Variants in PCDHGB4 observed in about 807,000 individuals in gnomAD.
PCDHGB4 encodes protocadherin gamma-B4.
In PCDHGB4, 38 loss-of-function variants were observed where a neutral mutation model predicts 60.5. That is an observed-to-expected ratio of 0.63 (90% confidence interval 0.48 to 0.82). The LOEUF (loss-of-function observed/expected upper bound fraction) is 0.82. Ranked by LOEUF, PCDHGB4 falls within the 40% of genes least tolerant of loss-of-function variation. The pLI is 0.00. For missense variants in PCDHGB4, 1,109 were observed against 1,209.6 expected, an observed-to-expected ratio of 0.92 and a Z score of 1.23; for synonymous variants, 456 against 509.7, an observed-to-expected ratio of 0.89 and a Z score of 1.42.
At chr5:141,395,131 C>G in intron 1 of PCDHGB4, 1 of 1,614,202 alleles carries the variant, frequency 6.2e-7, no homozygotes, top group Non-Finnish European at 8.5e-7. Flanking sequence ...TTTCCCCAGC[C>G]CAACTACGCA....
At position 141,398,955 on chromosome 5, in the gene PCDHGB4, A is replaced by T. The variant is rs2093730495; in HGVS notation, c.2397+8674A>T. 1.2e-6 allele frequency: 2 copies of T among 1,613,966 alleles called. No homozygotes were observed. Among genetic ancestry groups the T allele is most frequent in the African/African-American group, 1.3e-5 (1 of 75,040 alleles). On this transcript the variant is annotated intron_variant, in intron 1 of 3. Transcript: ENST00000519479. ...ACCAAGACGAGGGCATCAACTCAGA[A>T]ATTACTTATTCCTTCTACAGAACCG...
intron 1 of PCDHGB4, chr5:141,402,981 G>A (rs375892904): frequency 1.2e-6 from 2 of 1,608,410 alleles, no homozygotes; most frequent in Non-Finnish European, 1.7e-6. Flanking sequence ...TGCCAGCTCC[G>A]CGGAAGATTA....
chr5:141,427,955 G>A (rs749241312), intron 1 of PCDHGB4: 1 of 1,587,202 alleles, frequency 6.3e-7, no homozygotes, highest in Non-Finnish European at 8.6e-7. Context: ...ATGACAATGT[G>A]CCGCGGGTGC....
intron 1 of PCDHGB4, chr5:141,421,506 G>T: frequency 6.2e-7 from 1 of 1,614,076 alleles, no homozygotes; most frequent in Non-Finnish European, 8.5e-7. Context: ...GGATAGACCG[G>T]GAGGAGCTCT....
At chr5:141,419,419 C>T (rs767018815) in intron 1 of PCDHGB4, 1 of 1,613,266 alleles carries the variant, frequency 6.2e-7, no homozygotes, top group Non-Finnish European at 8.5e-7. Flanking sequence ...AGCGCGCCTT[C>T]GACCACGAGC....
At chr5:141,442,895 A>G (rs1381559903) in intron 1 of PCDHGB4, among the ~76,000 whole-genome samples, 5 of 152,182 alleles carry the variant, frequency 3.3e-5, no homozygotes, top group African/African-American at 1.2e-4. Context: ...CCTGCTTATC[A>G]CTTCTCCTTC....
rs62379205 is a variant in PCDHGB4, at chr5:141,491,971, T to G, written c.2398-2836T>G. On this transcript the variant is annotated intron_variant, in intron 1 of 3. Coordinates refer to ENST00000519479, the MANE Select transcript of PCDHGB4 (RefSeq NM_003736.4). This position sits in a 1 kb window ranked among gnomAD's most constrained non-coding sequence, Gnocchi z 6.9. ...CCTACACTCAAAAAAGGCCGGGGCC[T>G]CCTTCGAGCTTCCGGTGAATTTCGG... The G allele has an allele frequency of 3.6e-6, 3 of 831,948 alleles. No homozygotes were observed. Among genetic ancestry groups the G allele is most frequent in the Admixed American group, 3.7e-5 (1 of 26,692 alleles). The allele number at this position is 831,948 out of a possible 1,614,324, so 51.5% of individuals were successfully genotyped here.
At chr5:141,394,727 C>A in intron 1 of PCDHGB4, 1 of 1,613,436 alleles carries the variant, frequency 6.2e-7, no homozygotes, top group East Asian at 2.2e-5. Flanking sequence ...GAGATGCGCT[C>A]AAGCAGAGCC....
chr5:141,484,715 G>A (rs576646182), intron 1 of PCDHGB4, among the ~76,000 whole-genome samples: 1 of 152,130 alleles, frequency 6.6e-6, no homozygotes, highest in African/African-American at 2.4e-5. Context: ...CCGCCGAAAA[G>A]GGGCGGGGTC....
chr5:141,480,457 G>GT (rs1309116577), intron 1 of PCDHGB4, among the ~76,000 whole-genome samples: 4 of 152,060 alleles, frequency 2.6e-5, no homozygotes, highest in Non-Finnish European at 5.9e-5. Flanking sequence ...ATTTTTATTA[G>GT]TTCCTCACTC....
Position 141,422,144 on chromosome 5 carries a change from G to A in PCDHGB4, c.2397+31863G>A, listed in dbSNP as rs748208921. On this transcript the variant is annotated intron_variant, in intron 1 of 3. Transcript: ENST00000519479. Reference sequence around the variant, plus strand: ...CAAACTGGAGAAGTTCAAGTACGGGGGTCTCTGGATTTTGAAAAATATAGA... The same window carrying A: ...CAAACTGGAGAAGTTCAAGTACGGGAGTCTCTGGATTTTGAAAAATATAGA... 1.9e-6 allele frequency: 3 copies of A among 1,583,402 alleles called. No individual in the cohort carries two copies. In the African/African-American group the frequency reaches 4.1e-5, roughly 22 times the overall value.
At chr5:141,456,149 G>A (rs377506220) in intron 1 of PCDHGB4, among the ~76,000 whole-genome samples, 1 of 151,866 alleles carries the variant, frequency 6.6e-6, no homozygotes, top group East Asian at 1.9e-4. Flanking sequence ...CGCCCGCCTC[G>A]GCCTCCTAAA....
chr5:141,403,200 C>T (rs765799006), intron 1 of PCDHGB4: 1 of 1,613,982 alleles, frequency 6.2e-7, no homozygotes, highest in South Asian at 1.1e-5. Flanking sequence ...CGCAGCGGCA[C>T]CTTGGTCACC....
chr5:141,409,415 G>C, intron 1 of PCDHGB4: 1 of 1,614,008 alleles, frequency 6.2e-7, no homozygotes. Context: ...CTACAAACTG[G>C]TGACAGATGG....
Position 141,511,072 on chromosome 5 carries a change from A to C in PCDHGB4, c.2671A>C (p.Ser891Arg). The C allele has an allele frequency of 6.2e-7, 1 of 1,614,252 alleles. No individual in the cohort carries two copies. Among genetic ancestry groups the C allele is most frequent in the Non-Finnish European group, 8.5e-7 (1 of 1,180,034 alleles). Residue 891 changes from serine to arginine, a missense_variant, in exon 4 of 4, where the codon AGC (serine) becomes CGC (arginine). Ser to Arg is a moderately radical substitution (Grantham distance 110). This residue lies in a region of PCDHGB4 where 1,068 missense variants were observed against 1,089.9 expected (regional missense o/e 0.98). Coordinates refer to ENST00000519479, the MANE Select transcript of PCDHGB4 (RefSeq NM_003736.4). ...CCGCCAGAATGTCTACATCCCAGGC[A>C]GCAATGCCACACTGACCAACGCAGC... ...DYRQNVYIPG[S>R]NATLTNAAGK...
intron 1 of PCDHGB4, among the ~76,000 whole-genome samples, chr5:141,473,246 A>G (rs1045740920): frequency 7.2e-5 from 11 of 152,224 alleles, no homozygotes; most frequent in Admixed American, 4.6e-4. Context: ...AAGTGAATAC[A>G]TATATAGTCC....
intron 1 of PCDHGB4, among the ~76,000 whole-genome samples, chr5:141,437,614 A>G (rs113599071): frequency 3.1e-4 from 47 of 152,242 alleles, no homozygotes; most frequent in Non-Finnish European, 5.1e-4. Flanking sequence ...AATCTGCTTT[A>G]TCCCCATATA....
intron 2 of PCDHGB4, among the ~76,000 whole-genome samples, chr5:141,498,815 C>T (rs1595543994): frequency 6.6e-6 from 1 of 152,032 alleles, no homozygotes. Flanking sequence ...CACCTGTAGT[C>T]CCAGCTACTC....
intron 1 of PCDHGB4, chr5:141,399,895 G>A (rs570331620): frequency 6.2e-7 from 1 of 1,612,586 alleles, no homozygotes; most frequent in African/African-American, 1.3e-5. Flanking sequence ...GGTAGTGGCC[G>A]TGGACGCAGA....
Sources: gnomAD v4.1 joint callset for allele counts (sites outside exome capture counted in the v4.1 genomes callset) on GRCh38, gnomAD v4.1.1 for gene constraint, gnomAD v4.1.1 regional missense constraint, Gnocchi (gnomAD v3.1) non-coding constraint, MANE v1.5 for transcripts, NCBI Gene and HGNC (gene_info 2026-07-23, HGNC 2026-07-21) for gene names.